IFT88: variants seen among roughly 807,000 people sequenced by gnomAD.
IFT88 encodes the protein intraflagellar transport 88.
A neutral mutation model predicts 119.5 loss-of-function variants in IFT88; 74 were observed. The observed-to-expected ratio is 0.62, with a 90% CI of 0.51 to 0.75. IFT88 has a LOEUF of 0.75. Among genes scored for constraint, IFT88 ranks in the 30% least tolerant of loss-of-function variants. IFT88 has a pLI of 0.00. For missense variants in IFT88, 961 were observed against 977.7 expected, an observed-to-expected ratio of 0.98 and a Z score of 0.23; for synonymous variants, 279 against 316.7, an observed-to-expected ratio of 0.88 and a Z score of 1.26.
At chr13:20,646,774 T>C (rs949627990) in intron 20 of IFT88, among the ~76,000 whole-genome samples, 1 of 151,718 alleles carries the variant, frequency 6.6e-6, no homozygotes, top group African/African-American at 2.4e-5. Flanking sequence ...TCAGCCTCCT[T>C]CTGACTTTAA....
chr13:20,657,839 A>G (rs570050399), intron 22 of IFT88, among the ~76,000 whole-genome samples: 8 of 152,298 alleles, frequency 5.3e-5, no homozygotes, highest in Non-Finnish European at 7.4e-5. Flanking sequence ...ATGCATTACA[A>G]TTTAGTAAAA....
intron 24 of IFT88, among the ~76,000 whole-genome samples, chr13:20,690,411 G>A (rs1224726164): frequency 5.3e-5 from 8 of 152,144 alleles, no homozygotes; most frequent in Admixed American, 5.2e-4. Context: ...AAGAGTCAGG[G>A]TGATCTCTTA....
chr13:20,595,697 GTCTTA>G (rs2041524332), intron 7 of IFT88, among the ~76,000 whole-genome samples: 1 of 152,072 alleles, frequency 6.6e-6, no homozygotes, highest in African/African-American at 2.4e-5. Context: ...GTATACATTT[GTCTTA>G]TCTATAACTA....
intron 14 of IFT88, among the ~76,000 whole-genome samples, chr13:20,623,035 A>T (rs1390272710): frequency 1.3e-5 from 2 of 152,148 alleles, no homozygotes; most frequent in African/African-American, 2.4e-5. Context: ...TTCATTACTT[A>T]TGCATAGTTT....
chr13:20,596,866 AG>A (rs1593984520), intron 8 of IFT88, 148 bp from the exon 9 acceptor site: 1 of 459,804 alleles, frequency 2.2e-6, no homozygotes, highest in African/African-American at 2.0e-5. Context: ...TCCCTTTCCA[AG>A]GGAAGTTTCT....
chr13:20,691,001 ATTTGT>A, intron 25 of IFT88, 48 bp from the exon 26 acceptor site: 1 of 1,595,248 alleles, frequency 6.3e-7, no homozygotes, highest in Non-Finnish European at 8.6e-7. Context: ...TTGGTTTCAC[ATTTGT>A]TTTGTTTGTT....
At chr13:20,589,776 G>A (rs760452157) in intron 3 of IFT88, 35 bp from the exon 4 acceptor site, 1 of 1,465,658 alleles carries the variant, frequency 6.8e-7, no homozygotes, top group Admixed American at 1.7e-5. Flanking sequence ...AGCTCAGTCT[G>A]AATCCTGTTA....
intron 13 of IFT88, among the ~76,000 whole-genome samples, chr13:20,612,666 C>T (rs1210530542): frequency 6.6e-6 from 1 of 152,048 alleles, no homozygotes; most frequent in East Asian, 1.9e-4. Context: ...TGGAAGGGAA[C>T]CAGAATGGCC....
intron 1 of IFT88, among the ~76,000 whole-genome samples, chr13:20,571,525 G>A (rs2036362497): frequency 1.3e-5 from 2 of 152,048 alleles, no homozygotes; most frequent in African/African-American, 4.8e-5. Context: ...TAGATTTACA[G>A]TATATCTATA....
intron 15 of IFT88, among the ~76,000 whole-genome samples, chr13:20,630,155 C>T (rs548300183): frequency 5.3e-5 from 8 of 152,188 alleles, no homozygotes; most frequent in African/African-American, 1.7e-4. Flanking sequence ...CCTTCTTGGC[C>T]TTCTGAAACT....
chr13:20,649,792 T>A (rs918991846), intron 20 of IFT88, among the ~76,000 whole-genome samples: 1 of 152,062 alleles, frequency 6.6e-6, no homozygotes, highest in African/African-American at 2.4e-5. Context: ...TTACTAAGAT[T>A]AGAAATGCAA....
intron 23 of IFT88, among the ~76,000 whole-genome samples, chr13:20,664,662 C>G (rs2054353350): frequency 6.6e-6 from 1 of 151,536 alleles, no homozygotes; most frequent in South Asian, 2.1e-4. Flanking sequence ...TGGAATAGAG[C>G]AAAATGGGAA....
chr13:20,651,280 A>G (rs1294584219), intron 20 of IFT88, among the ~76,000 whole-genome samples: 1 of 151,760 alleles, frequency 6.6e-6, no homozygotes, highest in African/African-American at 2.4e-5. Context: ...TCTTAAAAAT[A>G]TTAAGTCTTC....
chr13:20,642,837 G>A (rs1051466981), intron 18 of IFT88: 6 of 150,510 alleles, frequency 4.0e-5, no homozygotes, highest in Admixed American at 2.7e-4. Context: ...TAGATCTTCT[G>A]GTGTCACTCT....
intron 4 of IFT88, among the ~76,000 whole-genome samples, chr13:20,590,161 A>G (rs961243030): frequency 1.3e-5 from 2 of 152,176 alleles, no homozygotes; most frequent in African/African-American, 4.8e-5. Context: ...TTCCATTCAT[A>G]TATTTTATGT....
intron 20 of IFT88, among the ~76,000 whole-genome samples, chr13:20,646,371 C>T (rs985780504): frequency 3.2e-4 from 48 of 151,856 alleles, no homozygotes; most frequent in African/African-American, 1.0e-3. Context: ...GGCGTGATCC[C>T]GGCTCACTGC....
At chr13:20,642,251 T>C (rs1012530415) in intron 18 of IFT88, 15 of 152,200 alleles carry the variant, frequency 9.9e-5, no homozygotes, top group African/African-American at 3.6e-4. Flanking sequence ...TTGTGAGGTG[T>C]ACCATTAATA....
At chr13:20,567,453 C>T (rs1448238358) in intron 1 of IFT88, among the ~76,000 whole-genome samples, 197 bp downstream of exon 1, 1 of 152,226 alleles carries the variant, frequency 6.6e-6, no homozygotes, top group Non-Finnish European at 1.5e-5. Context: ...CCCGAGTTGT[C>T]TACTCAGAAA....
chr13:20,653,968 T>C, intron 21 of IFT88, 40 bp downstream of exon 21: 1 of 1,294,208 alleles, frequency 7.7e-7, no homozygotes, highest in East Asian at 2.4e-5. Context: ...GATATTTTGC[T>C]TCTTTCCTTT....
Sources: allele counts gnomAD v4.1 joint callset (sites outside exome capture counted in the v4.1 genomes callset), GRCh38; gene constraint gnomAD v4.1.1; transcripts MANE v1.5; gene names NCBI Gene and HGNC (gene_info 2026-07-23, HGNC 2026-07-21).